The following CTNNA3 variants were observed in gnomAD, a reference collection of about 807,000 sequenced individuals.
CTNNA3 encodes catenin alpha 3, also known as catenin alpha-3.
A neutral mutation model predicts 95.7 loss-of-function variants in CTNNA3; 76 were observed. The observed-to-expected ratio is 0.79, with a 90% CI of 0.66 to 0.96. The LOEUF (loss-of-function observed/expected upper bound fraction) is 0.96, where lower values mean the gene tolerates loss of function less well. Among genes scored for constraint, CTNNA3 ranks in the 40% least tolerant of loss-of-function variants. The pLI is 0.00. For missense variants in CTNNA3, 1,191 were observed against 1,089.8 expected (o/e 1.09, Z -1.31); for synonymous variants, 431 against 374.4 (o/e 1.15, Z -1.74).
chr10:67,343,370 C>T (rs2616697), intron 5 of CTNNA3, among the ~76,000 whole-genome samples: 152,029 of 152,354 alleles, frequency 1, 75,854 homozygotes, highest in Middle Eastern at 1. Flanking sequence ...ACAATATTGA[C>T]TTTTTCCAAT....
At chr10:66,353,989 T>C (rs1012913710) in intron 12 of CTNNA3, among the ~76,000 whole-genome samples, 1 of 152,030 alleles carries the variant, frequency 6.6e-6, no homozygotes, top group Non-Finnish European at 1.5e-5. Flanking sequence ...TTTGTAAAAA[T>C]TCCGTGAACA....
intron 10 of CTNNA3, among the ~76,000 whole-genome samples, chr10:66,583,187 C>T (rs1314741432): frequency 6.6e-6 from 1 of 151,664 alleles, no homozygotes; most frequent in Non-Finnish European, 1.5e-5. Flanking sequence ...TCTTCTCAAT[C>T]TTTTGGAATA....
intron 5 of CTNNA3, among the ~76,000 whole-genome samples, chr10:67,330,311 G>A (rs1011535053): frequency 6.6e-6 from 1 of 152,274 alleles, no homozygotes; most frequent in South Asian, 2.1e-4. Context: ...GCTGTAGGAG[G>A]CAGCATGAAG....
intron 7 of CTNNA3, among the ~76,000 whole-genome samples, chr10:67,056,113 T>C (rs1855412383): frequency 6.6e-6 from 1 of 152,002 alleles, no homozygotes; most frequent in South Asian, 2.1e-4. Context: ...TCTGAGAAAA[T>C]AAAAGGGTAG....
chr10:66,555,661 A>G (rs1842367610), intron 10 of CTNNA3, among the ~76,000 whole-genome samples: 1 of 152,014 alleles, frequency 6.6e-6, no homozygotes, highest in South Asian at 2.1e-4. Flanking sequence ...TATTTTTTCC[A>G]GCTATTTTAG....
chr10:66,980,644 G>A (rs183795225), intron 7 of CTNNA3, among the ~76,000 whole-genome samples: 47 of 152,228 alleles, frequency 3.1e-4, no homozygotes, highest in African/African-American at 1.0e-3. Context: ...TTGCAAGCCC[G>A]CAATTCTGTT....
chr10:66,370,840 T>C (rs956305559), intron 12 of CTNNA3, among the ~76,000 whole-genome samples: 7 of 152,074 alleles, frequency 4.6e-5, no homozygotes, highest in Admixed American at 2.6e-4. Context: ...CTCCCAAGTA[T>C]TTGGGACTAC....
intron 9 of CTNNA3, among the ~76,000 whole-genome samples, chr10:66,700,228 T>A (rs957236699): frequency 1.3e-5 from 2 of 152,044 alleles, no homozygotes; most frequent in Non-Finnish European, 2.9e-5. Flanking sequence ...TATCAAGAAG[T>A]TTTTCCCTTG....
chr10:66,273,196 C>T (rs12254303), intron 13 of CTNNA3, among the ~76,000 whole-genome samples: 12,635 of 152,058 alleles, frequency 0.083, 1,576 homozygotes, highest in African/African-American at 0.27. Context: ...TGCATCACTA[C>T]GTGCACTTTG....
At chr10:67,500,283 T>C (rs964053954) in intron 5 of CTNNA3, among the ~76,000 whole-genome samples, 2 of 152,262 alleles carry the variant, frequency 1.3e-5, no homozygotes, top group African/African-American at 4.8e-5. Flanking sequence ...GATTGCACTA[T>C]AGTCTGAGAG....
chr10:66,227,105 T>G (rs1265638311), intron 13 of CTNNA3, among the ~76,000 whole-genome samples: 1 of 152,160 alleles, frequency 6.6e-6, no homozygotes, highest in South Asian at 2.1e-4. Flanking sequence ...GCTCAAGTGA[T>G]CCTCTCATTC....
At chr10:67,398,339 G>C (rs1188749059) in intron 5 of CTNNA3, among the ~76,000 whole-genome samples, 1 of 152,234 alleles carries the variant, frequency 6.6e-6, no homozygotes, top group African/African-American at 2.4e-5. Context: ...TTTAATGACT[G>C]CCCTATTGGA....
At chr10:66,669,727 C>T (rs979761140) in intron 9 of CTNNA3, among the ~76,000 whole-genome samples, 2 of 152,076 alleles carry the variant, frequency 1.3e-5, no homozygotes, top group Admixed American at 6.5e-5. Context: ...CTGCATATAG[C>T]AGTCCCCTTG....
intron 9 of CTNNA3, among the ~76,000 whole-genome samples, chr10:66,636,391 C>T (rs1400296783): frequency 2.6e-5 from 4 of 152,004 alleles, no homozygotes; most frequent in African/African-American, 9.7e-5. Flanking sequence ...TAGGATAAGA[C>T]ACTTGCAGTG....
chr10:67,699,890 G>A (rs893345438), upstream of CTNNA3, among the ~76,000 whole-genome samples: 26 of 152,342 alleles, frequency 1.7e-4, no homozygotes, highest in East Asian at 1.2e-3. Context: ...GGTGACAGAC[G>A]GCACCTGGAA....
At chr10:67,516,899 C>T (rs1382650552) in intron 5 of CTNNA3, among the ~76,000 whole-genome samples, 3 of 152,178 alleles carry the variant, frequency 2.0e-5, no homozygotes, top group African/African-American at 2.4e-5. Context: ...AAAATGTCTT[C>T]CAGGTTCAAC....
intron 5 of CTNNA3, among the ~76,000 whole-genome samples, chr10:67,374,693 G>C (rs1437249149): frequency 2.0e-5 from 3 of 152,074 alleles, no homozygotes; most frequent in Non-Finnish European, 2.9e-5. Flanking sequence ...TGTCTAGTGA[G>C]GTGACTTTTG....
chr10:66,094,856 G>A lies in CTNNA3; in HGVS notation c.1977+8301C>T, dbSNP rs576607930. Among the ~76,000 whole-genome samples the A allele has an allele frequency of 1.9e-4, 29 of 152,172 alleles. No individual in the cohort carries two copies. In the South Asian group the frequency reaches 4.8e-3, roughly 25 times the overall value. On this transcript the variant is annotated intron_variant, in intron 14 of 17. Coordinates refer to ENST00000433211, the MANE Select transcript of CTNNA3 (RefSeq NM_013266.4). ...GGTGATAGTGGAGATGGTGAAAAATGGACAAGTTCAGAAAATACTTAGAAG... is the reference window on the plus strand; with the variant it reads ...GGTGATAGTGGAGATGGTGAAAAATAGACAAGTTCAGAAAATACTTAGAAG...
intron 17 of CTNNA3, among the ~76,000 whole-genome samples, chr10:65,956,548 C>A (rs564337026): frequency 5.9e-5 from 9 of 152,142 alleles, no homozygotes. Context: ...TCCCTCTACA[C>A]ACTGCTTTAA....
Sources: allele counts gnomAD v4.1 joint callset (sites outside exome capture counted in the v4.1 genomes callset), GRCh38; gene constraint gnomAD v4.1.1; transcripts MANE v1.5; gene names NCBI Gene and HGNC (gene_info 2026-07-23, HGNC 2026-07-21).